Variants in TACC1 observed in about 807,000 individuals in gnomAD.
TACC1 encodes the protein transforming acidic coiled-coil-containing protein 1.
In TACC1, 48 loss-of-function variants were observed where a neutral mutation model predicts 84.4. That is an observed-to-expected ratio of 0.57 (90% CI 0.45 to 0.72). TACC1 has a LOEUF of 0.72. TACC1 is among the 30% of genes least tolerant of loss of function. TACC1 has a pLI of 0.00. For missense variants in TACC1, 920 were observed against 973.0 expected (o/e 0.95, Z 0.72); for synonymous variants, 372 against 376.3 (o/e 0.99, Z 0.13).
intron 1 of TACC1, 112 bp from the exon 2 acceptor site, chr8:38,788,592 T>G: frequency 1.2e-6 from 1 of 813,682 alleles, no homozygotes; most frequent in Non-Finnish European, 2.0e-6. Context: ...GACCGGTTGG[T>G]TGTGAAGTTA....
Position 38,820,393 on chromosome 8 carries a change from G to A in TACC1, c.1149G>A (p.Lys383=). 2 of 1,614,146 alleles carry A rather than the reference G, an allele frequency of 1.2e-6. No individual in the cohort carries two copies. The highest frequency in any genetic ancestry group is 1.7e-6 in the Non-Finnish European group (2 of 1,180,020). The change falls in exon 3 of 13, where the codon AAG becomes AAA. Residue 383 remains lysine, a synonymous_variant. Transcript: ENST00000317827. ...GGCCTCTCTCCCAAACATCTTCCAA[G>A]CCAGATCCTAGTCAGTGGGAAAGCC... ...RDGPLSQTSS[K]PDPSQWESPS... is the part of the protein sequence containing the mutation.
chr8:38,742,929 G>A lies in TACC1; in HGVS notation c.-574+478G>A, dbSNP rs890354204. Among the ~76,000 whole-genome samples the A allele has an allele frequency of 3.9e-5, 6 of 152,230 alleles. No individual in the cohort carries two copies. In the South Asian group the frequency reaches 6.2e-4, roughly 16 times the overall value. ...AGGGTCTCACCATGTTGGCCAGGCC[G>A]GTCTCGAACTCCTGACCTCAAGAGA... On this transcript the variant is annotated intron_variant, in intron 2 of 14. Coordinates refer to the TACC1 transcript ENST00000518415.
intron 3 of TACC1, among the ~76,000 whole-genome samples, chr8:38,772,553 G>A (rs1420203446): frequency 2.0e-5 from 3 of 152,212 alleles, no homozygotes; most frequent in Non-Finnish European, 4.4e-5. Flanking sequence ...GGAGGCACAT[G>A]TGGGTTCTGC....
chr8:38,834,102 G>A (rs1242880563), intron 6 of TACC1, among the ~76,000 whole-genome samples: 2 of 152,202 alleles, frequency 1.3e-5, no homozygotes, highest in Admixed American at 6.5e-5. Context: ...GTTTCTGTGC[G>A]TCAGGAATCT....
intron 3 of TACC1, among the ~76,000 whole-genome samples, chr8:38,752,516 CA>C (rs751859387): frequency 6.6e-6 from 1 of 151,836 alleles, no homozygotes; most frequent in Admixed American, 6.6e-5. Context: ...ACCCCAAAAC[CA>C]AAAAACAACA....
chr8:38,810,600 T>A (rs1823857465), intron 2 of TACC1, among the ~76,000 whole-genome samples: 1 of 151,994 alleles, frequency 6.6e-6, no homozygotes, highest in African/African-American at 2.4e-5. Flanking sequence ...CAAGACCCTG[T>A]CTCCAAAAAA....
In TACC1 at chr8:38,849,892, A is replaced by G. The variant is rs1296736594; in HGVS notation, c.*1869A>G. ...CCAAGGGCACGTGTCTCCCCTTGGTATAACTGATTTCCTTTTTAGTCCTCT... is the reference window on the plus strand; with the variant it reads ...CCAAGGGCACGTGTCTCCCCTTGGTGTAACTGATTTCCTTTTTAGTCCTCT... On this transcript the variant is annotated 3_prime_UTR_variant, in exon 13 of 13. Coordinates refer to ENST00000317827, the MANE Select transcript of TACC1 (RefSeq NM_006283.3). 6.5e-6 allele frequency: 1 copy of G among 152,682 alleles called. No individual in the cohort carries two copies. The highest frequency in any genetic ancestry group is 2.4e-5 in the African/African-American group (1 of 41,458). 9.5% of individuals were successfully genotyped at this position (152,682 alleles called of 1,614,324 possible). A position where few individuals can be genotyped will look rare whatever the true frequency, so the allele number is the denominator to read the frequency against.
At chr8:38,759,414 T>C (rs1810765402) in intron 3 of TACC1, among the ~76,000 whole-genome samples, 2 of 152,112 alleles carry the variant, frequency 1.3e-5, no homozygotes, top group South Asian at 4.1e-4. Flanking sequence ...AATAATGGAG[T>C]CTTTCACTGA....
intron 3 of TACC1, among the ~76,000 whole-genome samples, chr8:38,762,266 A>G (rs1354727223): frequency 6.6e-6 from 1 of 152,132 alleles, no homozygotes; most frequent in Admixed American, 6.6e-5. Flanking sequence ...TACCCATTAA[A>G]CAATAACTTT....
At chr8:38,832,588 T>C (rs916133468) in intron 6 of TACC1, among the ~76,000 whole-genome samples, 2 of 152,242 alleles carry the variant, frequency 1.3e-5, no homozygotes, top group African/African-American at 4.8e-5. Flanking sequence ...AGTCCATTCT[T>C]ATGTGGTCTT....
intron 3 of TACC1, among the ~76,000 whole-genome samples, chr8:38,823,460 C>CTT (rs1349353669): frequency 6.6e-6 from 1 of 152,114 alleles, no homozygotes. Context: ...ATTTGTGAGT[C>CTT]TTTGAGTTGC....
intron 3 of TACC1, among the ~76,000 whole-genome samples, chr8:38,775,212 C>G (rs1375118652): frequency 6.6e-6 from 1 of 152,110 alleles, no homozygotes; most frequent in African/African-American, 2.4e-5. Flanking sequence ...ACCTTCATAC[C>G]TTCCTTGCAA....
Position 38,820,283 on chromosome 8 carries a change from A to G in TACC1, c.1039A>G (p.Ser347Gly). 1.2e-6 allele frequency: 2 copies of G among 1,614,228 alleles called. No individual in the cohort carries two copies. The highest frequency in any genetic ancestry group is 1.7e-6 in the Non-Finnish European group (2 of 1,180,038). ...LPRKLGRKLG[S>G]TLTPKIQKDG... ...AAGGAAGCTTGGCAGGAAACTGGGTAGCACACTGACTCCCAAGATACAAAA... is the reference window on the plus strand; with the variant it reads ...AAGGAAGCTTGGCAGGAAACTGGGTGGCACACTGACTCCCAAGATACAAAA... The change falls in exon 3 of 13, where the codon AGC (serine) becomes GGC (glycine). Residue 347 changes from serine (S) to glycine (G), a missense_variant. Around this residue, in one of 2 missense-constraint regions of TACC1, gnomAD observed 762 missense variants for 747.3 expected, o/e 1.02. Coordinates refer to ENST00000317827, the MANE Select transcript of TACC1 (RefSeq NM_006283.3).
At position 38,820,210 on chromosome 8, in the gene TACC1, T is replaced by G. The variant is rs1826413596; in HGVS notation, c.966T>G (p.Phe322Leu). 6.2e-7 allele frequency: 1 copy of G among 1,614,022 alleles called. No individual in the cohort carries two copies. The highest frequency in any genetic ancestry group is 1.1e-5 in the South Asian group (1 of 91,078). The change falls in exon 3 of 13, where the codon TTT (phenylalanine) becomes TTG (leucine). Residue 322 changes from phenylalanine (F) to leucine (L), a missense_variant. Phe to Leu is a conservative substitution (Grantham distance 22). This residue lies in a region of TACC1 where 762 missense variants were observed against 747.3 expected (regional missense o/e 1.02). Transcript: ENST00000317827. Reference protein sequence around the residue: ...ESRSSPLKLEFDFTEDTGNIE... With the variant: ...ESRSSPLKLELDFTEDTGNIE... ...GGAGCTCACCTCTCAAGCTTGAGTT[T>G]GATTTCACAGAAGATACAGGAAACA... is the stretch of plus-strand genomic sequence containing the variant.
rs947769907 is a variant in TACC1, at chr8:38,787,667, G to C, written c.85G>C (p.Glu29Gln). ...WSAVRGGAAG[E>Q]DEAGGPEGDP... The stretch of plus-strand genomic sequence containing the variant: ...TGCGGTACGCGGCGGGGCCGCCGGC[G>C]AGGACGAGGCTGGCGGGCCCGAGGG... Residue 29 changes from glutamate (E) to glutamine (Q), a missense_variant, in exon 1 of 13, where the codon GAG becomes CAG. Physicochemically the swap from Glu to Gln is conservative, Grantham distance 29 (BLOSUM62 2). This residue lies in a region of TACC1 where 762 missense variants were observed against 747.3 expected (regional missense o/e 1.02). Transcript: ENST00000317827. 2.6e-6 allele frequency: 4 copies of C among 1,551,404 alleles called. No individual in the cohort carries two copies. The African/African-American group carries it at 4.1e-5, about 16-fold the overall frequency.
chr8:38,763,286 C>G (rs1185024527), intron 3 of TACC1, among the ~76,000 whole-genome samples: 1 of 151,870 alleles, frequency 6.6e-6, no homozygotes, highest in African/African-American at 2.4e-5. Flanking sequence ...AGTAGCTGGA[C>G]CACAGGTGCA....
chr8:38,768,272 G>C (rs1812667566), intron 3 of TACC1, among the ~76,000 whole-genome samples: 1 of 152,180 alleles, frequency 6.6e-6, no homozygotes, highest in South Asian at 2.1e-4. Flanking sequence ...TGTAGCTTCT[G>C]AGAAGTTGGG....
rs1318506855 is a variant in TACC1 at position 38,852,979 on chromosome 8, A to G, written c.*4956A>G. Reference sequence around the variant, plus strand: ...ACAAATTATTATAATGATTACTAATATATTTTTTCCATGTTTCATTGCCTG... The same window carrying G: ...ACAAATTATTATAATGATTACTAATGTATTTTTTCCATGTTTCATTGCCTG... On this transcript the variant is annotated 3_prime_UTR_variant, in exon 13 of 13. Coordinates refer to ENST00000317827, the MANE Select transcript of TACC1 (RefSeq NM_006283.3). The G allele has an allele frequency of 6.6e-6, 1 of 152,646 alleles. No homozygotes were observed. Among genetic ancestry groups the G allele is most frequent in the African/African-American group, 2.4e-5 (1 of 41,442 alleles). The allele number at this position is 152,646 out of a possible 1,614,324, so 9.5% of individuals were successfully genotyped here. A position where few individuals can be genotyped will look rare whatever the true frequency, so the allele number is the denominator to read the frequency against.
At chr8:38,823,864 C>T (rs1177161213) in intron 3 of TACC1, 1 of 593,584 alleles carries the variant, frequency 1.7e-6, no homozygotes, top group Non-Finnish European at 2.9e-6. Flanking sequence ...ATTTGTATCT[C>T]ACCTCATAGA....
Sources: gnomAD v4.1 joint callset for allele counts (sites outside exome capture counted in the v4.1 genomes callset) on GRCh38, gnomAD v4.1.1 for gene constraint, gnomAD v4.1.1 regional missense constraint, MANE v1.5 for transcripts, NCBI Gene and HGNC (gene_info 2026-07-23, HGNC 2026-07-21) for gene names.